Variants in POLA1 observed in about 807,000 individuals in gnomAD.
POLA1 encodes DNA polymerase alpha catalytic subunit.
In POLA1, 15 loss-of-function variants were observed where a neutral mutation model predicts 124.0. The observed-to-expected ratio is 0.12, with a 90% confidence interval of 0.08 to 0.19. The LOEUF (loss-of-function observed/expected upper bound fraction) is 0.19, where lower values mean the gene tolerates loss of function less well. Ranked by LOEUF, POLA1 falls within the 10% of genes least tolerant of loss-of-function variation. The probability of loss-of-function intolerance (pLI) is 1.00; values close to 1 mark genes in which losing one functional copy is unlikely to be tolerated. For missense variants in POLA1, 886 were observed against 1,103.4 expected (o/e 0.80, Z 2.79); for synonymous variants, 408 against 389.4 (o/e 1.05, Z -0.56).
At chrX:24,992,554 G>A (rs1231818241) in intron 36 of POLA1, among the ~76,000 whole-genome samples, 2 of 112,403 alleles carry the variant, frequency 1.8e-5, no homozygotes, top group African/African-American at 3.2e-5. Context: ...GAACAGAGAC[G>A]GCTGCTGCCT....
In POLA1 at chrX:24,996,312, C is replaced by T. The variant is rs966417712; in HGVS notation, c.*362C>T. On this transcript the variant is annotated 3_prime_UTR_variant, in exon 37 of 37. Transcript: ENST00000379068. Reference sequence around the variant, plus strand: ...CAGGCTTTGCCTCAGGGCCTTTAGCCTATGTCCCCCCCACATAAAGAGAGC... The same window carrying T: ...CAGGCTTTGCCTCAGGGCCTTTAGCTTATGTCCCCCCCACATAAAGAGAGC... The T allele has an allele frequency of 1.4e-4, 19 of 137,485 alleles. No homozygotes were observed. Among genetic ancestry groups the T allele is most frequent in the Non-Finnish European group, 1.7e-4 (12 of 70,475 alleles). 11.3% of individuals were successfully genotyped at this position (137,485 alleles called of 1,213,427 possible).
intron 32 of POLA1, among the ~76,000 whole-genome samples, chrX:24,838,333 G>A (rs940701383): frequency 9.0e-6 from 1 of 111,610 alleles, no homozygotes; most frequent in African/African-American, 3.3e-5. Context: ...GCACAAATGA[G>A]TCCATCACTA....
intron 31 of POLA1, among the ~76,000 whole-genome samples, chrX:24,824,783 A>G (rs1431453269): frequency 1.8e-5 from 2 of 111,382 alleles, no homozygotes; most frequent in Non-Finnish European, 3.8e-5. Flanking sequence ...GAATATTTAG[A>G]ATAAAAACGT....
chrX:24,909,826 C>A (rs1444069878), intron 35 of POLA1, among the ~76,000 whole-genome samples: 1 of 109,776 alleles, frequency 9.1e-6, no homozygotes, highest in Non-Finnish European at 1.9e-5. Flanking sequence ...TTACCTTGGG[C>A]AGTATGGCCA....
intron 13 of POLA1, 125 bp from the exon 14 acceptor site, chrX:24,726,808 T>C: frequency 2.2e-6 from 1 of 446,199 alleles, no homozygotes; most frequent in Non-Finnish European, 3.7e-6. Flanking sequence ...TTACATTTCA[T>C]ATATATCAAA....
chrX:24,717,692 G>A lies in POLA1; in HGVS notation c.1021G>A (p.Ala341Thr). 1 of 1,207,894 alleles carries A rather than the reference G, an allele frequency of 8.3e-7. No homozygotes were observed. Among genetic ancestry groups the A allele is most frequent in the South Asian group, 1.8e-5 (1 of 56,669 alleles). The change falls in exon 10 of 37, where the codon GCA becomes ACA. Residue 341 changes from alanine (A) to threonine (T), a missense_variant. Physicochemically the swap from Ala to Thr is moderately conservative, Grantham distance 58. Around this residue, in one of 7 missense-constraint regions of POLA1, gnomAD observed 337 missense variants for 402.8 expected, o/e 0.84. Coordinates refer to ENST00000379068, the MANE Select transcript of POLA1 (RefSeq NM_001330360.2). ...CAGTCACCTCCCATTGGTAAAAGGG[G>A]CAGATGAGGAACAAGTATTCCACTT... is the stretch of plus-strand genomic sequence containing the variant. ...DSSHLPLVKG[A>T]DEEQVFHFYW...
chrX:24,920,973 A>C (rs1230015002), intron 35 of POLA1, among the ~76,000 whole-genome samples: 1 of 112,310 alleles, frequency 8.9e-6, no homozygotes, highest in African/African-American at 3.2e-5. Context: ...TCTCGATTCT[A>C]GCTATGAATA....
intron 36 of POLA1, among the ~76,000 whole-genome samples, chrX:24,961,481 G>A (rs1265099924): frequency 1.8e-5 from 2 of 111,405 alleles, no homozygotes; most frequent in African/African-American, 6.5e-5. Flanking sequence ...TTTGGAGCAG[G>A]GTACTTTCCC....
intron 26 of POLA1, among the ~76,000 whole-genome samples, chrX:24,791,078 T>C (rs1490622244): frequency 3.6e-5 from 4 of 110,285 alleles, no homozygotes; most frequent in African/African-American, 1.3e-4. Flanking sequence ...TATTGAGCAG[T>C]GCTTTGGATT....
intron 31 of POLA1, among the ~76,000 whole-genome samples, chrX:24,822,050 T>G (rs770166293): frequency 9.0e-6 from 1 of 111,102 alleles, no homozygotes; most frequent in African/African-American, 3.3e-5. Context: ...CCAGTTTTTT[T>G]TTTTTTCTTC....
At chrX:24,797,181 G>A (rs1411186401) in intron 26 of POLA1, among the ~76,000 whole-genome samples, 1 of 110,790 alleles carries the variant, frequency 9.0e-6, no homozygotes, top group Non-Finnish European at 1.9e-5. Context: ...AGTCCTTAAT[G>A]TGACTTACAA....
intron 35 of POLA1, among the ~76,000 whole-genome samples, chrX:24,910,011 G>A (rs2047425038): frequency 9.0e-6 from 1 of 110,844 alleles, no homozygotes; most frequent in African/African-American, 3.3e-5. Flanking sequence ...GTGAATGGTA[G>A]TTCACTCATG....
chrX:24,743,206 A>G, intron 22 of POLA1, 24 bp from the exon 23 acceptor site: 1 of 783,664 alleles, frequency 1.3e-6, no homozygotes, highest in African/African-American at 2.1e-5. Flanking sequence ...TGGCTGGTGA[A>G]GTTATCTTTC....
chrX:24,828,295 G>A (rs966424665), intron 32 of POLA1, among the ~76,000 whole-genome samples: 3 of 112,454 alleles, frequency 2.7e-5, no homozygotes, highest in African/African-American at 9.7e-5. Context: ...ACCTCACAAA[G>A]GTATGTTGGA....
intron 23 of POLA1, among the ~76,000 whole-genome samples, chrX:24,744,822 G>A (rs1484631813): frequency 9.3e-6 from 1 of 107,405 alleles, no homozygotes; most frequent in Non-Finnish European, 1.9e-5. Context: ...ACGGTGTTGC[G>A]CGCCTGTAGT....
intron 35 of POLA1, among the ~76,000 whole-genome samples, chrX:24,890,022 A>G (rs1294867482): frequency 1.8e-5 from 2 of 109,658 alleles, no homozygotes; most frequent in Non-Finnish European, 3.8e-5. Context: ...CAATGAAGAT[A>G]TATACTTGTA....
chrX:24,723,480 CTAGT>C (rs1379262911), intron 11 of POLA1, among the ~76,000 whole-genome samples: 1 of 111,920 alleles, frequency 8.9e-6, no homozygotes, highest in Non-Finnish European at 1.9e-5. Context: ...AGTTTTTCAA[CTAGT>C]TAGAGTATAA....
rs2230928 is a variant in POLA1, at chrX:24,741,425, A to G, written c.2267A>G (p.Lys756Arg). 5.2e-3 allele frequency: 6,151 copies of G among 1,194,335 alleles called. 13 individuals carry two copies. The highest frequency in any genetic ancestry group is 6.1e-3 in the Non-Finnish European group (5,376 of 881,200). The change falls in exon 21 of 37, where the codon AAG (lysine) becomes AGG (arginine). Residue 756 changes from lysine (K) to arginine (R), a missense_variant. Transcript: ENST00000379068. Reference protein sequence around the residue: ...YLLEHTWKDAKFILQIMCELN... With the variant: ...YLLEHTWKDARFILQIMCELN... ...TTGGAACACACCTGGAAAGATGCCA[A>G]GTTCATTTTGCAGATCATGTGTGAG...
intron 36 of POLA1, among the ~76,000 whole-genome samples, chrX:24,990,983 A>G (rs1041410014): frequency 2.7e-5 from 3 of 112,007 alleles, no homozygotes; most frequent in African/African-American, 9.7e-5. Context: ...ATCATTTACC[A>G]TTCTGATTTT....
Sources: gnomAD v4.1 joint callset for allele counts (sites outside exome capture counted in the v4.1 genomes callset) on GRCh38, gnomAD v4.1.1 for gene constraint, gnomAD v4.1.1 regional missense constraint, MANE v1.5 for transcripts, NCBI Gene and HGNC (gene_info 2026-07-23, HGNC 2026-07-21) for gene names.